CDH12: variants seen among roughly 807,000 people sequenced by gnomAD.
CDH12 encodes the protein cadherin 12.
A neutral mutation model predicts 74.1 loss-of-function variants in CDH12; 41 were observed. The ratio of observed to expected loss-of-function variants is 0.55; its 90% CI spans 0.43 to 0.72. CDH12 has a LOEUF of 0.72. CDH12 is among the 30% of genes least tolerant of loss of function. CDH12 has a pLI of 0.00. For missense variants in CDH12, 945 were observed against 977.2 expected, an observed-to-expected ratio of 0.97 and a Z score of 0.44; for synonymous variants, 399 against 355.0, an observed-to-expected ratio of 1.12 and a Z score of -1.39.
chr5:21,820,388 T>C (rs889067820), intron 8 of CDH12, among the ~76,000 whole-genome samples: 4 of 151,994 alleles, frequency 2.6e-5, no homozygotes, highest in African/African-American at 7.2e-5. Flanking sequence ...AATAGCATTG[T>C]CCAATAATGA....
At chr5:22,544,979 A>C (rs1355716355) in intron 1 of CDH12, among the ~76,000 whole-genome samples, 1 of 152,178 alleles carries the variant, frequency 6.6e-6, no homozygotes, top group Non-Finnish European at 1.5e-5. Flanking sequence ...GTGGCAAAAA[A>C]AAAGACTATT....
chr5:22,312,918 C>T (rs1345754652), intron 3 of CDH12, among the ~76,000 whole-genome samples: 1 of 152,154 alleles, frequency 6.6e-6, no homozygotes, highest in Non-Finnish European at 1.5e-5. Context: ...TCTACTTTCC[C>T]CTTCAAGCTT....
At chr5:22,693,465 T>A (rs1295508799) in intron 1 of CDH12, among the ~76,000 whole-genome samples, 1 of 152,098 alleles carries the variant, frequency 6.6e-6, no homozygotes, top group Non-Finnish European at 1.5e-5. Context: ...GGACTTAGAT[T>A]GGGGCTTTAT....
chr5:22,445,739 G>A (rs1245584960), intron 2 of CDH12, among the ~76,000 whole-genome samples: 1 of 152,116 alleles, frequency 6.6e-6, no homozygotes, highest in East Asian at 1.9e-4. Context: ...CTGTCCTGGT[G>A]ATTCAGCAGG....
rs187697480 is a variant in CDH12, at chr5:22,344,494, C to T, written c.-333+60763G>A. On this transcript the variant is annotated intron_variant, in intron 3 of 14. Transcript: ENST00000382254. ...TTAACCTATGATAAAAGATAAGTTT[C>T]AATGTATTTTGGGATTTGAAAGAAG... 2.2e-3 allele frequency among the ~76,000 whole-genome samples: 329 copies of T among 152,084 alleles called. 2 individuals are homozygous for T. The highest frequency in any genetic ancestry group is 7.7e-3 in the African/African-American group (318 of 41,496).
chr5:21,991,866 A>G (rs574027455), intron 5 of CDH12, among the ~76,000 whole-genome samples: 2 of 152,042 alleles, frequency 1.3e-5, no homozygotes, highest in East Asian at 3.9e-4. Flanking sequence ...TTTTTGTCAA[A>G]TTTACTGCTA....
intron 3 of CDH12, among the ~76,000 whole-genome samples, chr5:22,253,444 C>G (rs1352176210): frequency 1.3e-5 from 2 of 151,814 alleles, no homozygotes; most frequent in Non-Finnish European, 2.9e-5. Context: ...ACAGATGTAG[C>G]TTATTGAAAT....
intron 8 of CDH12, among the ~76,000 whole-genome samples, chr5:21,833,840 A>C (rs1280438686): frequency 6.6e-6 from 1 of 151,900 alleles, no homozygotes; most frequent in African/African-American, 2.4e-5. Context: ...GGGATTCTTC[A>C]GGCAAATATA....
chr5:22,338,731 T>G (rs1380748785), intron 3 of CDH12, among the ~76,000 whole-genome samples: 2 of 152,156 alleles, frequency 1.3e-5, no homozygotes, highest in Non-Finnish European at 2.9e-5. Flanking sequence ...ATTTAAACCT[T>G]TAAACATTTT....
intron 3 of CDH12, among the ~76,000 whole-genome samples, chr5:22,337,809 T>C (rs1445467670): frequency 1.3e-5 from 2 of 152,228 alleles, no homozygotes; most frequent in African/African-American, 4.8e-5. Flanking sequence ...CAAACAGGTA[T>C]ATGAAAAGGT....
intron 3 of CDH12, among the ~76,000 whole-genome samples, chr5:22,316,814 G>C (rs905398828): frequency 6.6e-6 from 1 of 152,004 alleles, no homozygotes; most frequent in Non-Finnish European, 1.5e-5. Flanking sequence ...TTATATTCAA[G>C]TAGGAAAAAA....
At chr5:22,835,652 T>G (rs534577069) in intron 1 of CDH12, among the ~76,000 whole-genome samples, 3 of 152,308 alleles carry the variant, frequency 2.0e-5, no homozygotes, top group African/African-American at 7.2e-5. Flanking sequence ...ACAAGGGAAT[T>G]GTATTTTCAC....
chr5:22,086,771 A>G (rs953720418), intron 4 of CDH12, among the ~76,000 whole-genome samples: 1 of 152,208 alleles, frequency 6.6e-6, no homozygotes, highest in East Asian at 1.9e-4. Flanking sequence ...AAAGAAACTC[A>G]ACATGGGACA....
chr5:22,514,665 T>C (rs1364682628), intron 1 of CDH12, among the ~76,000 whole-genome samples: 1 of 152,212 alleles, frequency 6.6e-6, no homozygotes, highest in African/African-American at 2.4e-5. Flanking sequence ...ATTTGTTTGG[T>C]TCAAAATCAA....
chr5:21,979,879 T>A (rs973616957), intron 5 of CDH12, among the ~76,000 whole-genome samples: 28 of 151,974 alleles, frequency 1.8e-4, no homozygotes, highest in Non-Finnish European at 8.8e-5. Context: ...TCCACAATGG[T>A]TGAACTAGTT....
chr5:22,327,619 T>C lies in CDH12; in HGVS notation c.-333+77638A>G, dbSNP rs145327159. ...CTTTTGGAGGGTCATAGAGCGCTAG[T>C]CCTGGACAAAAAGAAATAAATAGAC... On this transcript the variant is annotated intron_variant, in intron 3 of 14. Coordinates refer to ENST00000382254, the MANE Select transcript of CDH12 (RefSeq NM_004061.5). Among the ~76,000 whole-genome samples, 115 of 152,266 alleles carry C rather than the reference T, an allele frequency of 7.6e-4. 1 individual carries two copies. The East Asian group carries it at 0.02, about 27-fold the overall frequency.
At chr5:22,682,785 A>G (rs923343810) in intron 1 of CDH12, among the ~76,000 whole-genome samples, 7 of 151,852 alleles carry the variant, frequency 4.6e-5, no homozygotes, top group Admixed American at 2.0e-4. Flanking sequence ...TCTCATTAAA[A>G]CCTTCCTCCC....
intron 7 of CDH12, among the ~76,000 whole-genome samples, chr5:21,851,483 A>G (rs1289756787): frequency 6.6e-6 from 1 of 150,480 alleles, no homozygotes; most frequent in Non-Finnish European, 1.5e-5. Context: ...AAATAATACA[A>G]TATGTTAATA....
At chr5:22,749,106 C>G (rs146805137) in intron 1 of CDH12, among the ~76,000 whole-genome samples, 175 of 152,326 alleles carry the variant, frequency 1.1e-3, no homozygotes, top group African/African-American at 4.1e-3. Context: ...ATATTTGGCC[C>G]TGGTGGGCGT....
Sources: gnomAD v4.1 joint callset for allele counts (sites outside exome capture counted in the v4.1 genomes callset) on GRCh38, gnomAD v4.1.1 for gene constraint, MANE v1.5 for transcripts, NCBI Gene and HGNC (gene_info 2026-07-23, HGNC 2026-07-21) for gene names.